Variants in ACMSD observed in about 807,000 individuals in gnomAD.
The protein encoded by ACMSD is 2-amino-3-carboxymuconate-6-semialdehyde decarboxylase.
In ACMSD, 37 loss-of-function variants were observed where a neutral mutation model predicts 45.9. That is an observed-to-expected ratio of 0.81 (90% confidence interval 0.62 to 1.06). The LOEUF is 1.06. Among genes scored for constraint, ACMSD ranks in the 50% least tolerant of loss-of-function variants. The probability of loss-of-function intolerance (pLI) is 0.00; values close to 1 mark genes in which losing one functional copy is unlikely to be tolerated. For synonymous variants in ACMSD, 138 were observed against 148.8 expected, an observed-to-expected ratio of 0.93 and a Z score of 0.53; for missense variants, 434 against 420.9, an observed-to-expected ratio of 1.03 and a Z score of -0.27.
At chr2:134,876,166 G>A (rs988116852) in intron 8 of ACMSD, among the ~76,000 whole-genome samples, 2 of 152,166 alleles carry the variant, frequency 1.3e-5, no homozygotes, top group Admixed American at 6.5e-5. Context: ...TGAATAGTGA[G>A]TGAATGTGAA....
intron 2 of ACMSD, among the ~76,000 whole-genome samples, chr2:134,850,658 T>TTTATTA (rs58798180): frequency 3.5e-4 from 53 of 151,186 alleles, no homozygotes; most frequent in East Asian, 2.1e-3. Flanking sequence ...TTAAGAATAA[T>TTTATTA]TTATTATTAT....
intron 1 of ACMSD, among the ~76,000 whole-genome samples, chr2:134,842,751 C>T (rs1187170113): frequency 6.6e-6 from 1 of 152,186 alleles, no homozygotes; most frequent in Non-Finnish European, 1.5e-5. Context: ...TATGTCCCCA[C>T]CACTCCTCTT....
chr2:134,859,067 C>G (rs1189365798), intron 2 of ACMSD, among the ~76,000 whole-genome samples, 194 bp from the exon 3 acceptor site: 2 of 150,526 alleles, frequency 1.3e-5, no homozygotes, highest in Non-Finnish European at 2.9e-5. Context: ...AGAGCACACC[C>G]CTTCAACTCT....
chr2:134,853,741 G>A (rs1319338208), intron 2 of ACMSD, among the ~76,000 whole-genome samples: 3 of 151,910 alleles, frequency 2.0e-5, no homozygotes, highest in Admixed American at 2.0e-4. Flanking sequence ...CTTATTATAC[G>A]GGCACAGCTG....
intron 2 of ACMSD, 49 bp from the exon 3 acceptor site, chr2:134,859,212 T>A (rs1484425067): frequency 1.4e-6 from 2 of 1,470,968 alleles, no homozygotes; most frequent in Non-Finnish European, 1.9e-6. Context: ...GAAAGATTAG[T>A]CCAAGTGGTC....
rs531520701 is a variant in ACMSD, at chr2:134,874,232, CT to C, written c.849+1593del. ...AACTCAGCAGGTACTTTACAAACTT[CT>C]TGATGCTGAGATCTTACATTCAAAC... On this transcript the variant is annotated intron_variant, in intron 8 of 9. Transcript: ENST00000356140. 5.9e-5 allele frequency among the ~76,000 whole-genome samples: 9 copies of C among 152,294 alleles called. No homozygotes were observed. In the East Asian group the frequency reaches 1.3e-3, roughly 23 times the overall value.
At chr2:134,880,633 A>T (rs941164684) in intron 8 of ACMSD, among the ~76,000 whole-genome samples, 1 of 151,840 alleles carries the variant, frequency 6.6e-6, no homozygotes, top group South Asian at 2.1e-4. Flanking sequence ...GGTGGATGCA[A>T]TACCTTTTCT....
At chr2:134,877,367 T>C (rs2104902203) in intron 8 of ACMSD, among the ~76,000 whole-genome samples, 1 of 152,356 alleles carries the variant, frequency 6.6e-6, no homozygotes, top group South Asian at 2.1e-4. Context: ...AAACATTTAT[T>C]ATCTCTCATG....
At chr2:134,880,924 A>G (rs1689002828) in intron 8 of ACMSD, among the ~76,000 whole-genome samples, 1 of 151,994 alleles carries the variant, frequency 6.6e-6, no homozygotes, top group African/African-American at 2.4e-5. Flanking sequence ...TTTCACCTCA[A>G]TTTTTTTTAA....
At chr2:134,859,546 G>C (rs777600518) in intron 3 of ACMSD, 189 bp downstream of exon 3, 84 of 530,020 alleles carry the variant, frequency 1.6e-4, no homozygotes, top group Non-Finnish European at 1.3e-4. Context: ...GATTCAAAAT[G>C]TTTCATATGA....
chr2:134,889,917 A>G (rs1356480426), intron 8 of ACMSD, among the ~76,000 whole-genome samples: 1 of 152,152 alleles, frequency 6.6e-6, no homozygotes, highest in Non-Finnish European at 1.5e-5. Flanking sequence ...AATAAAAAGA[A>G]TGAATATATT....
intron 2 of ACMSD, among the ~76,000 whole-genome samples, chr2:134,853,999 T>G (rs1159342728): frequency 1.3e-5 from 2 of 152,224 alleles, no homozygotes; most frequent in Non-Finnish European, 2.9e-5. Context: ...AATGGCTTCA[T>G]AAACCACAGC....
rs115977771 is a variant in ACMSD, at chr2:134,882,133, A to G, written c.849+9492A>G. 4.6e-3 allele frequency among the ~76,000 whole-genome samples: 698 copies of G among 152,308 alleles called. 9 individuals carry two copies. The highest frequency in any genetic ancestry group is 0.016 in the African/African-American group (666 of 41,566). On this transcript the variant is annotated intron_variant, in intron 8 of 9. Coordinates refer to ENST00000356140, the MANE Select transcript of ACMSD (RefSeq NM_138326.3). ...ACTTGGTCTCAAAACAAACAAAAAA[A>G]GGTGGGGGAGGGTACCTGCCTAATT... is the stretch of plus-strand genomic sequence containing the variant.
chr2:134,846,596 G>A (rs1315364276), intron 2 of ACMSD, among the ~76,000 whole-genome samples: 1 of 151,786 alleles, frequency 6.6e-6, no homozygotes, highest in Non-Finnish European at 1.5e-5. Flanking sequence ...TTTTAGACAG[G>A]GGGTCTCACT....
In ACMSD at chr2:134,895,330, A is replaced by ACATATATAATATATATATATGTTATATAT. The variant is rs1422253315; in HGVS notation, c.850-3011_850-3010insCATATATAATATATATATATGTTATATAT. On this transcript the variant is annotated intron_variant, in intron 8 of 9. Coordinates refer to ENST00000356140, the MANE Select transcript of ACMSD (RefSeq NM_138326.3). ...AAAAGAAAAAAAATATATATATGTT[A>ACATATATAATATATATATATGTTATATAT]TATATATAATATATATATAACATAT... Among the ~76,000 whole-genome samples the ACATATATAATATATATATATGTTATATAT allele has an allele frequency of 3.4e-5, 5 of 145,862 alleles. No individual in the cohort carries two copies. In the Admixed American group the frequency reaches 3.4e-4, roughly 10 times the overall value.
chr2:134,858,149 G>A (rs1340615526), intron 2 of ACMSD, among the ~76,000 whole-genome samples: 1 of 152,082 alleles, frequency 6.6e-6, no homozygotes, highest in African/African-American at 2.4e-5. Flanking sequence ...ATCAGTGGAT[G>A]AATGGATAAA....
Position 134,846,357 on chromosome 2 carries a change from G to A in ACMSD, c.102+1080G>A, listed in dbSNP as rs1490790067. On this transcript the variant is annotated intron_variant, in intron 2 of 9. Coordinates refer to ENST00000356140, the MANE Select transcript of ACMSD (RefSeq NM_138326.3). ...ACTCTAGAGGTAGGGCAAGCAACCT[G>A]TTTTAACAAGCCTCCTGGTGATTCT... Among the ~76,000 whole-genome samples, 4 of 152,114 alleles carry A rather than the reference G, an allele frequency of 2.6e-5. No homozygotes were observed. In the East Asian group the frequency reaches 5.8e-4, roughly 22 times the overall value.
At chr2:134,886,625 A>G (rs1689474484) in intron 8 of ACMSD, among the ~76,000 whole-genome samples, 1 of 152,106 alleles carries the variant, frequency 6.6e-6, no homozygotes, top group South Asian at 2.1e-4. Context: ...ATTGTCATAA[A>G]AAAAATCATA....
At chr2:134,896,948 G>C (rs1228886831) in intron 8 of ACMSD, among the ~76,000 whole-genome samples, 1 of 152,116 alleles carries the variant, frequency 6.6e-6, no homozygotes, top group African/African-American at 2.4e-5. Flanking sequence ...GGGCTGGAGG[G>C]AGAAAAGAAT....
Sources: allele counts gnomAD v4.1 joint callset (sites outside exome capture counted in the v4.1 genomes callset), GRCh38; gene constraint gnomAD v4.1.1; transcripts MANE v1.5; gene names NCBI Gene and HGNC (gene_info 2026-07-23, HGNC 2026-07-21).